NARS2: variants seen among roughly 807,000 people sequenced by gnomAD.
NARS2 encodes the protein asparaginyl-tRNA synthetase 2, mitochondrial.
In NARS2, 60 loss-of-function variants were observed where a neutral mutation model predicts 62.9. The observed-to-expected ratio is 0.95, with a 90% CI of 0.77 to 1.18. The LOEUF is 1.18. NARS2 is among the 50% of genes most tolerant of loss of function. The probability of loss-of-function intolerance (pLI) is 0.00; values close to 1 mark genes in which losing one functional copy is unlikely to be tolerated. For missense variants in NARS2, 619 were observed against 576.4 expected (o/e 1.07, Z -0.76); for synonymous variants, 196 against 200.0 (o/e 0.98, Z 0.17).
chr11:78,511,015 C>T (rs976522498), intron 6 of NARS2, among the ~76,000 whole-genome samples: 7 of 152,048 alleles, frequency 4.6e-5, no homozygotes, highest in Non-Finnish European at 7.4e-5. Flanking sequence ...GAAAGAGACT[C>T]GAGCCAAAGG....
At chr11:78,486,031 T>C (rs1161144724) in intron 7 of NARS2, among the ~76,000 whole-genome samples, 2 of 152,100 alleles carry the variant, frequency 1.3e-5, no homozygotes, top group Admixed American at 6.5e-5. Flanking sequence ...CATGTCACCA[T>C]GCCCAGCTAA....
At chr11:78,492,108 T>TAC (rs1200790165) in intron 7 of NARS2, among the ~76,000 whole-genome samples, 37 of 134,100 alleles carry the variant, frequency 2.8e-4, no homozygotes, top group Non-Finnish European at 4.7e-4. Context: ...TATATATATA[T>TAC]ACAGACACAC....
chr11:78,537,031 A>G (rs1400880512), intron 5 of NARS2, among the ~76,000 whole-genome samples: 1 of 152,228 alleles, frequency 6.6e-6, no homozygotes, highest in African/African-American at 2.4e-5. Flanking sequence ...ATAGGTTTGT[A>G]CCTAAAGAAC....
chr11:78,457,136 C>A (rs536330785), intron 11 of NARS2, among the ~76,000 whole-genome samples: 4 of 152,332 alleles, frequency 2.6e-5, no homozygotes, highest in African/African-American at 9.6e-5. Flanking sequence ...CACTCTGCAT[C>A]CTGTGTACTT....
intron 11 of NARS2, among the ~76,000 whole-genome samples, chr11:78,447,429 G>C (rs965285295): frequency 2.6e-5 from 4 of 152,110 alleles, no homozygotes; most frequent in African/African-American, 9.7e-5. Flanking sequence ...GTCATTATGA[G>C]AAATGGTATG....
At chr11:78,474,400 ACTAG>A (rs1344001693) in intron 9 of NARS2, among the ~76,000 whole-genome samples, 1 of 152,214 alleles carries the variant, frequency 6.6e-6, no homozygotes, top group African/African-American at 2.4e-5. Context: ...ATTCTCAAGA[ACTAG>A]CAAAGTGCCT....
At chr11:78,554,908 T>C (rs548936818) in intron 5 of NARS2, among the ~76,000 whole-genome samples, 2 of 152,380 alleles carry the variant, frequency 1.3e-5, no homozygotes, top group African/African-American at 4.8e-5. Flanking sequence ...GGGTTTGTCA[T>C]AGATGGCTCT....
intron 6 of NARS2, among the ~76,000 whole-genome samples, chr11:78,519,395 G>C (rs536850912): frequency 6.6e-6 from 1 of 152,096 alleles, no homozygotes; most frequent in South Asian, 2.1e-4. Flanking sequence ...TAAAAGTAAT[G>C]AACACTGATT....
chr11:78,539,105 A>G (rs1014360055), intron 5 of NARS2, among the ~76,000 whole-genome samples: 2 of 151,540 alleles, frequency 1.3e-5, no homozygotes, highest in African/African-American at 4.9e-5. Context: ...TTTTATTCTA[A>G]GATCACAGAG....
At chr11:78,566,387 CTTTA>C (rs768899315) in intron 3 of NARS2, 115 bp from the exon 4 acceptor site, 100 of 782,712 alleles carry the variant, frequency 1.3e-4, no homozygotes, top group Non-Finnish European at 1.7e-4. Flanking sequence ...TCCTTTCCTT[CTTTA>C]TTTCTTAATA....
In NARS2 at chr11:78,528,835, T is replaced by G. The variant is rs1861384736; in HGVS notation, c.689+7A>C. 3 of 1,593,502 alleles carry G rather than the reference T, an allele frequency of 1.9e-6. No homozygotes were observed. Among genetic ancestry groups the G allele is most frequent in the Admixed American group, 3.4e-5 (2 of 59,698 alleles). On this transcript the variant is annotated splice_region_variant and intron_variant, in intron 6 of 13. Transcript: ENST00000281038. ...ATCAAAGCAAAAGAGAAAGGAAAAT[T>G]TCATACCCTGACATCACTTCTAGAT...
At chr11:78,493,352 G>A (rs1859913599) in intron 6 of NARS2, among the ~76,000 whole-genome samples, 157 bp from the exon 7 acceptor site, 1 of 152,204 alleles carries the variant, frequency 6.6e-6, no homozygotes, top group Non-Finnish European at 1.5e-5. Flanking sequence ...TCTAATAGGT[G>A]ATAATAACAG....
intron 6 of NARS2, among the ~76,000 whole-genome samples, chr11:78,524,631 A>G (rs1319380393): frequency 2.0e-5 from 3 of 152,088 alleles, no homozygotes; most frequent in Non-Finnish European, 4.4e-5. Context: ...CTTACCACTT[A>G]TAAATTATAT....
chr11:78,545,733 C>T (rs949963002), intron 5 of NARS2, among the ~76,000 whole-genome samples: 9 of 151,966 alleles, frequency 5.9e-5, no homozygotes, highest in Middle Eastern at 3.4e-3. Flanking sequence ...GGGGTTCTGT[C>T]GTATTGGCCA....
At chr11:78,494,278 A>G (rs1859958571) in intron 6 of NARS2, among the ~76,000 whole-genome samples, 2 of 152,196 alleles carry the variant, frequency 1.3e-5, no homozygotes, top group Admixed American at 1.3e-4. Context: ...ATGAAGTAAT[A>G]AATATTTCTT....
chr11:78,516,557 G>A (rs1860918977), intron 6 of NARS2, among the ~76,000 whole-genome samples: 1 of 152,100 alleles, frequency 6.6e-6, no homozygotes, highest in Non-Finnish European at 1.5e-5. Context: ...ACTCTATAGG[G>A]TCACGAAGGT....
intron 1 of NARS2, among the ~76,000 whole-genome samples, chr11:78,572,711 T>A (rs116992139): frequency 8.5e-5 from 13 of 152,226 alleles, no homozygotes; most frequent in Non-Finnish European, 1.6e-4. Context: ...AGAAACATAA[T>A]GTGAGTCACA....
intron 5 of NARS2, among the ~76,000 whole-genome samples, chr11:78,556,423 A>C (rs1431281761): frequency 6.6e-6 from 1 of 152,202 alleles, no homozygotes; most frequent in Non-Finnish European, 1.5e-5. Context: ...GTGCATCGCC[A>C]CCAAGCCAAA....
chr11:78,457,747 G>A (rs1043511483), intron 11 of NARS2, among the ~76,000 whole-genome samples: 1 of 151,900 alleles, frequency 6.6e-6, no homozygotes, highest in Non-Finnish European at 1.5e-5. Flanking sequence ...ACTTGTGAGT[G>A]CGATCTATGA....
Sources: gnomAD v4.1 joint callset for allele counts (sites outside exome capture counted in the v4.1 genomes callset) on GRCh38, gnomAD v4.1.1 for gene constraint, MANE v1.5 for transcripts, NCBI Gene and HGNC (gene_info 2026-07-23, HGNC 2026-07-21) for gene names.